The following RABGAP1L variants were observed in gnomAD, a reference collection of about 807,000 sequenced individuals.
RABGAP1L encodes the protein RAB GTPase activating protein 1 like, also known as rab GTPase-activating protein 1-like.
In RABGAP1L, 63 loss-of-function variants were observed where a neutral mutation model predicts 137.7. The observed-to-expected ratio is 0.46, with a 90% CI of 0.37 to 0.56. The LOEUF (loss-of-function observed/expected upper bound fraction) is 0.56. Among genes scored for constraint, RABGAP1L ranks in the 20% least tolerant of loss-of-function variants. RABGAP1L has a pLI of 0.00. For missense variants in RABGAP1L, 1,095 were observed against 1,244.0 expected (o/e 0.88, Z 1.80); for synonymous variants, 431 against 433.7 (o/e 0.99, Z 0.08).
At chr1:174,562,319 C>T (rs1022090405) in intron 13 of RABGAP1L, among the ~76,000 whole-genome samples, 1 of 152,138 alleles carries the variant, frequency 6.6e-6, no homozygotes, top group African/African-American at 2.4e-5. Context: ...AATCTCACAC[C>T]ATTTAGAATG....
chr1:174,359,419 G>A (rs1359741751), intron 11 of RABGAP1L, among the ~76,000 whole-genome samples: 1 of 152,078 alleles, frequency 6.6e-6, no homozygotes, highest in Non-Finnish European at 1.5e-5. Flanking sequence ...ATAGATCTGG[G>A]TCATACGCTT....
intron 13 of RABGAP1L, among the ~76,000 whole-genome samples, chr1:174,621,506 A>G (rs1308621707): frequency 1.3e-5 from 2 of 152,230 alleles, no homozygotes; most frequent in Non-Finnish European, 2.9e-5. Context: ...CAAAACAGAG[A>G]TATAGACCAA....
At chr1:174,797,659 T>A (rs1408358151) in intron 18 of RABGAP1L, among the ~76,000 whole-genome samples, 3 of 92,916 alleles carry the variant, frequency 3.2e-5, no homozygotes, top group Non-Finnish European at 6.3e-5. Flanking sequence ...GGAGTGTGTG[T>A]GTGGTGTGGG....
intron 13 of RABGAP1L, among the ~76,000 whole-genome samples, chr1:174,565,010 G>C (rs1176872492): frequency 1.3e-5 from 2 of 152,060 alleles, no homozygotes; most frequent in Non-Finnish European, 2.9e-5. Flanking sequence ...TCAAATATTT[G>C]CCATAACTTT....
chr1:174,951,623 A>G (rs369018426), intron 19 of RABGAP1L, among the ~76,000 whole-genome samples: 3 of 152,230 alleles, frequency 2.0e-5, no homozygotes, highest in African/African-American at 7.2e-5. Context: ...GGCTTTTAGT[A>G]TGAATCCCAC....
chr1:174,860,017 A>G (rs950899577), intron 19 of RABGAP1L, among the ~76,000 whole-genome samples: 1 of 126,426 alleles, frequency 7.9e-6, no homozygotes, highest in Non-Finnish European at 1.6e-5. Context: ...CTCACATGGT[A>G]TATTGGTTGC....
chr1:174,770,765 A>T (rs1201998688), intron 18 of RABGAP1L, among the ~76,000 whole-genome samples: 1 of 152,204 alleles, frequency 6.6e-6, no homozygotes, highest in Non-Finnish European at 1.5e-5. Context: ...TTCCAAGGCT[A>T]ACTTCCTCAC....
chr1:174,806,524 C>T (rs1384401133), intron 18 of RABGAP1L, among the ~76,000 whole-genome samples: 6 of 152,212 alleles, frequency 3.9e-5, no homozygotes, highest in African/African-American at 1.4e-4. Context: ...AGGAGGATTG[C>T]TTAAGCCCAG....
At chr1:174,167,173 A>G (rs1387317114) in intron 1 of RABGAP1L, among the ~76,000 whole-genome samples, 1 of 152,200 alleles carries the variant, frequency 6.6e-6, no homozygotes, top group Non-Finnish European at 1.5e-5. Flanking sequence ...TAAATGATAA[A>G]GCTAATCATG....
intron 13 of RABGAP1L, among the ~76,000 whole-genome samples, chr1:174,437,758 A>T (rs969578444): frequency 1.3e-5 from 2 of 152,296 alleles, no homozygotes; most frequent in Non-Finnish European, 2.9e-5. Flanking sequence ...ACTCCAAGAC[A>T]CATAATTGTC....
chr1:174,755,479 T>C (rs913953965), intron 18 of RABGAP1L, among the ~76,000 whole-genome samples: 1 of 152,220 alleles, frequency 6.6e-6, no homozygotes, highest in Non-Finnish European at 1.5e-5. Flanking sequence ...TTTTGTTTGC[T>C]GTCCGTGGTT....
In RABGAP1L at chr1:174,982,838, G is replaced by T; in HGVS notation, c.2738G>T (p.Cys913Phe). The T allele has an allele frequency of 1.9e-6, 3 of 1,550,378 alleles. 1 individual carries two copies. Among genetic ancestry groups the T allele is most frequent in the Non-Finnish European group, 2.6e-6 (3 of 1,146,850 alleles). Residue 913 changes from cysteine (C) to phenylalanine (F), a missense_variant, in exon 24 of 26, where the codon TGT becomes TTT. By Grantham distance (205) the Cys-to-Phe change is radical. Coordinates refer to ENST00000681986, the MANE Select transcript of RABGAP1L (RefSeq NM_001366446.1). ...TAIIAEYKQI[C>F]SQLSTRLEKQ... The stretch of plus-strand genomic sequence containing the variant: ...AGACTCTTTTCTCATCCTTAGATCT[G>T]TTCGCAGTTGAGTACCAGGCTGGAG...
intron 11 of RABGAP1L, among the ~76,000 whole-genome samples, chr1:174,310,509 G>A (rs1187325640): frequency 1.3e-5 from 2 of 152,076 alleles, no homozygotes; most frequent in African/African-American, 4.8e-5. Flanking sequence ...ATTCTGTCTG[G>A]ATGATCTGTC....
intron 19 of RABGAP1L, among the ~76,000 whole-genome samples, chr1:174,856,735 T>G (rs1330113237): frequency 6.6e-6 from 1 of 152,046 alleles, no homozygotes; most frequent in African/African-American, 2.4e-5. Context: ...GAAACCAGAC[T>G]GGCCAACATG....
chr1:174,232,726 G>A lies in RABGAP1L; in HGVS notation c.542+1371G>A, dbSNP rs191522963. Among the ~76,000 whole-genome samples the A allele has an allele frequency of 7.0e-3, 1,045 of 148,806 alleles. 9 individuals carry two copies. The highest frequency in any genetic ancestry group is 0.024 in the African/African-American group (963 of 40,564). On this transcript the variant is annotated intron_variant, in intron 4 of 25. Coordinates refer to ENST00000681986, the MANE Select transcript of RABGAP1L (RefSeq NM_001366446.1). ...TGAACCCAAGAGATCGTGCCACTGC[G>A]CTCCAGCCTGGGCGACAGAGCAAGA...
rs1451808025 is a variant in RABGAP1L at position 174,514,627 on chromosome 1, A to G, written c.1710+120482A>G. Among the ~76,000 whole-genome samples, 8 of 152,322 alleles carry G rather than the reference A, an allele frequency of 5.3e-5. No individual in the cohort carries two copies. In the East Asian group the frequency reaches 1.5e-3, roughly 29 times the overall value. On this transcript the variant is annotated intron_variant, in intron 13 of 25. Coordinates refer to ENST00000681986, the MANE Select transcript of RABGAP1L (RefSeq NM_001366446.1). ...CCCAGGAGCCTCAGTTTCACTGTGG[A>G]GTTTTCCCTCAGCAAATGTTTGCTT...
At chr1:174,243,056 G>GA (rs1671960098) in intron 5 of RABGAP1L, 1 of 152,122 alleles carries the variant, frequency 6.6e-6, no homozygotes, top group Non-Finnish European at 1.5e-5. Flanking sequence ...TGTGATTTCC[G>GA]AATCACTGGA....
chr1:174,685,544 C>T lies in RABGAP1L; in HGVS notation c.1899+1948C>T, dbSNP rs542366887. On this transcript the variant is annotated intron_variant, in intron 15 of 25. Coordinates refer to ENST00000681986, the MANE Select transcript of RABGAP1L (RefSeq NM_001366446.1). ...CTGGGATTACAGGCGTGAGCCACCG[C>T]GCCGGCCTTTATTTATTTATTTATT... is the stretch of plus-strand genomic sequence containing the variant. Among the ~76,000 whole-genome samples, 305 of 105,010 alleles carry T rather than the reference C, an allele frequency of 2.9e-3. 3 individuals carry two copies. Among genetic ancestry groups the T allele is most frequent in the African/African-American group, 0.014 (290 of 20,690 alleles). The allele number at this position is 105,010 out of a possible 152,430, so 68.9% of individuals were successfully genotyped here.
At chr1:174,396,590 A>G (rs553576471) in intron 13 of RABGAP1L, among the ~76,000 whole-genome samples, 2 of 152,194 alleles carry the variant, frequency 1.3e-5, no homozygotes, top group East Asian at 3.9e-4. Flanking sequence ...TTTCTTGTAA[A>G]TAATAAACTA....
Sources: gnomAD v4.1 joint callset for allele counts (sites outside exome capture counted in the v4.1 genomes callset) on GRCh38, gnomAD v4.1.1 for gene constraint, MANE v1.5 for transcripts, NCBI Gene and HGNC (gene_info 2026-07-23, HGNC 2026-07-21) for gene names.